Variants in PELP1 observed in about 807,000 individuals in gnomAD.
The protein encoded by PELP1 is proline-, glutamic acid- and leucine-rich protein 1.
Under a neutral mutation model 95.5 loss-of-function variants are expected in PELP1, and 32 were observed. The ratio of observed to expected loss-of-function variants is 0.34; its 90% CI spans 0.25 to 0.45. The LOEUF (loss-of-function observed/expected upper bound fraction) is 0.45. Among genes scored for constraint, PELP1 ranks in the 20% least tolerant of loss-of-function variants. The pLI, the probability that PELP1 is intolerant of heterozygous loss-of-function variation, is 1.00. For synonymous variants in PELP1, 668 were observed against 600.1 expected (o/e 1.11, Z -1.65); for missense variants, 1,358 against 1,444.8 (o/e 0.94, Z 0.97).
chr17:4,700,474 G>T (rs940352050), intron 1 of PELP1, among the ~76,000 whole-genome samples: 5 of 152,018 alleles, frequency 3.3e-5, no homozygotes, highest in African/African-American at 1.2e-4. Context: ...GTGAAACTCC[G>T]TCTCTACTAA....
chr17:4,676,175 C>A lies in PELP1; in HGVS notation c.854-13G>T, dbSNP rs755406355. On this transcript the variant is annotated splice_polypyrimidine_tract_variant and intron_variant, in intron 7 of 16. Transcript: ENST00000572293. ...TTCTGCACAGGAGCTGGCAGAAGCA[C>A]AACTACCCTGTACACTGTCTTTCTT... 6.2e-6 allele frequency: 10 copies of A among 1,613,242 alleles called. No homozygotes were observed. In the Admixed American group the frequency reaches 1.5e-4, roughly 24 times the overall value.
rs1392813103 is a variant in PELP1, at chr17:4,674,405, C to G, written c.1582+105G>C. On this transcript the variant is annotated intron_variant, in intron 13 of 16. Transcript: ENST00000572293. Reference sequence around the variant, plus strand: ...ACGAAGGCTGGTCTAGGCACTCTCCCCACAAAAGTTTCACCTAAGGGTATA... The same window carrying G: ...ACGAAGGCTGGTCTAGGCACTCTCCGCACAAAAGTTTCACCTAAGGGTATA... The G allele has an allele frequency of 6.6e-6, 7 of 1,059,082 alleles. No individual in the cohort carries two copies. In the East Asian group the frequency reaches 1.7e-4, roughly 26 times the overall value. 65.6% of individuals were successfully genotyped at this position (1,059,082 alleles called of 1,614,324 possible).
rs562119958 is a variant in PELP1 at position 4,675,274 on chromosome 17, G to A, written c.1157C>T (p.Ala386Val). 2.0e-5 allele frequency: 31 copies of A among 1,579,258 alleles called. No homozygotes were observed. In the South Asian group the frequency reaches 2.7e-4, roughly 14 times the overall value. The stretch of plus-strand genomic sequence containing the variant: ...CCACAGCCAGCCCAATCCCACTCAC[G>A]CGAGGATGAGTGCAGACAGCAGGTC... ...ALDLLSALILACGSRLLRFGI... is the reference protein window; with the variant it reads ...ALDLLSALILVCGSRLLRFGI... Residue 386 changes from alanine to valine, a missense_variant and splice_region_variant, in exon 10 of 17, where the codon GCG becomes GTG. Ala to Val is a moderately conservative substitution (Grantham distance 64, BLOSUM62 0). This residue lies in a region of PELP1 where 538 missense variants were observed against 628.1 expected (regional missense o/e 0.86). Coordinates refer to ENST00000572293, the MANE Select transcript of PELP1 (RefSeq NM_014389.3). This position sits in a 1 kb window ranked among gnomAD's most constrained non-coding sequence, Gnocchi z 4.3.
At chr17:4,677,591 T>A (rs949810223) in intron 5 of PELP1, among the ~76,000 whole-genome samples, 3 of 152,192 alleles carry the variant, frequency 2.0e-5, no homozygotes, top group Non-Finnish European at 4.4e-5. Flanking sequence ...GCAATTATAG[T>A]CGTTGTAAGA....
At chr17:4,676,617 A>G in intron 6 of PELP1, 110 bp from the exon 7 acceptor site, 1 of 1,456,118 alleles carries the variant, frequency 6.9e-7, no homozygotes, top group Admixed American at 1.9e-5. Flanking sequence ...GCTCTGAGGG[A>G]AACCTGAGAT....
At chr17:4,700,055 C>T (rs1307636036) in intron 1 of PELP1, among the ~76,000 whole-genome samples, 1 of 152,030 alleles carries the variant, frequency 6.6e-6, no homozygotes, top group African/African-American at 2.4e-5. Context: ...ATTACAGATG[C>T]CTGCCACTGC....
intron 1 of PELP1, 197 bp from the exon 2 acceptor site, chr17:4,691,639 C>T (rs1051425468): frequency 1.7e-6 from 1 of 594,296 alleles, no homozygotes; most frequent in Non-Finnish European, 3.0e-6. Context: ...TCGGCCTTTC[C>T]TCAAGTTATA....
In PELP1 at chr17:4,691,408, C is replaced by T; in HGVS notation, c.284G>A (p.Ser95Asn). The T allele has an allele frequency of 6.2e-7, 1 of 1,613,776 alleles. No homozygotes were observed. The highest frequency in any genetic ancestry group is 8.5e-7 in the Non-Finnish European group (1 of 1,179,686). Residue 95 changes from serine to asparagine, a missense_variant, in exon 2 of 17, where the codon AGT becomes AAT. Physicochemically the swap from Ser to Asn is conservative, Grantham distance 46. Coordinates refer to ENST00000572293, the MANE Select transcript of PELP1 (RefSeq NM_014389.3). Reference protein sequence around the residue: ...LSALGALVSLSNARLSSIKTR... With the variant: ...LSALGALVSLNNARLSSIKTR... ...TTTGATGGAACTGAGACGTGCATTA[C>T]TGAGACTCACCAATGCCCCAAGAGC...
At chr17:4,695,943 A>C (rs1187441575) in intron 1 of PELP1, among the ~76,000 whole-genome samples, 1 of 151,402 alleles carries the variant, frequency 6.6e-6, no homozygotes, top group African/African-American at 2.4e-5. Context: ...CTGGGATTAC[A>C]GGAGTGAACC....
chr17:4,687,275 T>C (rs1912938086), intron 3 of PELP1, among the ~76,000 whole-genome samples: 1 of 152,226 alleles, frequency 6.6e-6, no homozygotes, highest in Non-Finnish European at 1.5e-5. Context: ...CTGGGTGTGG[T>C]GGCTCACACC....
At chr17:4,703,700 G>A (rs1913643464) in intron 1 of PELP1, among the ~76,000 whole-genome samples, 163 bp downstream of exon 1, 2 of 152,156 alleles carry the variant, frequency 1.3e-5, no homozygotes, top group Admixed American at 6.5e-5. Flanking sequence ...CGATAAAGGA[G>A]AAATACGTGC....
chr17:4,680,347 G>A (rs978050054), intron 5 of PELP1, among the ~76,000 whole-genome samples: 26 of 152,104 alleles, frequency 1.7e-4, no homozygotes, highest in African/African-American at 5.8e-4. Flanking sequence ...GTGCGATCTC[G>A]GCTCATGGCA....
At position 4,674,684 on chromosome 17, in the gene PELP1, A is replaced by C. The variant is rs1357312451; in HGVS notation, c.1423-15T>G. On this transcript the variant is annotated splice_polypyrimidine_tract_variant and intron_variant, in intron 12 of 16. Transcript: ENST00000572293. ...GGGCTACGCAGCTGGAGGCAGAGAAAACATAAATCACATCCACAGGCAAAC... is the reference window on the plus strand; with the variant it reads ...GGGCTACGCAGCTGGAGGCAGAGAACACATAAATCACATCCACAGGCAAAC... The C allele has an allele frequency of 6.9e-6, 11 of 1,590,928 alleles. No individual in the cohort carries two copies. The Admixed American group carries it at 2.1e-4, about 30-fold the overall frequency.
rs1912140720 is a variant in PELP1, at chr17:4,670,148, T to C, written c.*1291A>G. 6.6e-6 allele frequency: 1 copy of C among 152,182 alleles called. No homozygotes were observed. The highest frequency in any genetic ancestry group is 2.4e-5 in the African/African-American group (1 of 41,458). 9.4% of individuals were successfully genotyped at this position (152,182 alleles called of 1,614,324 possible). A position where few individuals can be genotyped will look rare whatever the true frequency, so the allele number is the denominator to read the frequency against. ...CTTTTCTGTTTATTTCGAAAACAAGTTGAGGGGTAACTTTTTAAAATCCTA... is the reference window on the plus strand; with the variant it reads ...CTTTTCTGTTTATTTCGAAAACAAGCTGAGGGGTAACTTTTTAAAATCCTA... On this transcript the variant is annotated 3_prime_UTR_variant, in exon 17 of 17. Coordinates refer to ENST00000572293, the MANE Select transcript of PELP1 (RefSeq NM_014389.3).
intron 1 of PELP1, among the ~76,000 whole-genome samples, chr17:4,703,062 G>A (rs1008524177): frequency 6.6e-6 from 1 of 152,178 alleles, no homozygotes; most frequent in Non-Finnish European, 1.5e-5. Flanking sequence ...CTAGCTTGCA[G>A]AACTGAATGG....
intron 1 of PELP1, among the ~76,000 whole-genome samples, chr17:4,692,542 T>G (rs1913149103): frequency 6.6e-6 from 1 of 152,108 alleles, no homozygotes; most frequent in Non-Finnish European, 1.5e-5. Context: ...GTACTTATTT[T>G]CTAGTTAAGA....
intron 6 of PELP1, 115 bp downstream of exon 6, chr17:4,676,638 G>A: frequency 2.2e-6 from 3 of 1,391,618 alleles, no homozygotes; most frequent in Non-Finnish European, 3.0e-6. Context: ...GGGACAATGA[G>A]GCCGAAGGAC....
intron 3 of PELP1, among the ~76,000 whole-genome samples, chr17:4,685,371 T>G (rs1290017627): frequency 1.3e-5 from 2 of 152,168 alleles, no homozygotes; most frequent in Non-Finnish European, 2.9e-5. Context: ...CTTAGTCAGT[T>G]CATCTTCCTC....
rs958929119 is a variant in PELP1 at position 4,695,832 on chromosome 17, C to G, written c.250-4390G>C. On this transcript the variant is annotated intron_variant, in intron 1 of 16. Coordinates refer to ENST00000572293, the MANE Select transcript of PELP1 (RefSeq NM_014389.3). ...AACATCTAAAAATCTACTAAAAATA[C>G]AAAAATTAGCCAGACGTGGTGGTGT... Among the ~76,000 whole-genome samples, 5 of 149,636 alleles carry G rather than the reference C, an allele frequency of 3.3e-5. No homozygotes were observed. The Admixed American group carries it at 3.3e-4, about 10-fold the overall frequency.
Sources: allele counts gnomAD v4.1 joint callset (sites outside exome capture counted in the v4.1 genomes callset), GRCh38; gene constraint gnomAD v4.1.1; regional missense constraint gnomAD v4.1.1; non-coding constraint Gnocchi (gnomAD v3.1); transcripts MANE v1.5; gene names NCBI Gene and HGNC (gene_info 2026-07-23, HGNC 2026-07-21).